The following CCNJ variants were observed in gnomAD, a reference collection of about 807,000 sequenced individuals.
CCNJ encodes cyclin-J.
In CCNJ, 12 loss-of-function variants were observed where a neutral mutation model predicts 41.4. That is an observed-to-expected ratio of 0.29 (90% CI 0.19 to 0.47). CCNJ has a LOEUF of 0.47. Ranked by LOEUF, CCNJ falls within the 20% of genes least tolerant of loss-of-function variation. The probability of loss-of-function intolerance (pLI) is 1.00; values close to 1 mark genes in which losing one functional copy is unlikely to be tolerated. For missense variants in CCNJ, 340 were observed against 464.6 expected (o/e 0.73, Z 2.47); for synonymous variants, 161 against 173.4 (o/e 0.93, Z 0.56).
At chr10:96,047,036 A>T (rs965635606) in intron 2 of CCNJ, among the ~76,000 whole-genome samples, 9 of 151,662 alleles carry the variant, frequency 5.9e-5, no homozygotes, top group Non-Finnish European at 1.2e-4. Context: ...TTTTTCCCCA[A>T]CTCCCTAATC....
intron 3 of CCNJ, among the ~76,000 whole-genome samples, chr10:96,052,534 T>G (rs1423958198): frequency 6.6e-6 from 1 of 152,174 alleles, no homozygotes; most frequent in Admixed American, 6.5e-5. Context: ...CCATCTTAGG[T>G]TGGTTGGAAT....
chr10:96,054,880 T>C (rs185989199), intron 3 of CCNJ, among the ~76,000 whole-genome samples: 194 of 152,334 alleles, frequency 1.3e-3, no homozygotes, highest in African/African-American at 4.5e-3. Flanking sequence ...CATTAATTTC[T>C]ACAGTATTCC....
rs753233234 is a variant in CCNJ, at chr10:96,044,508, AGTT to A, written c.69+50_69+52del. 8.6e-6 allele frequency: 12 copies of A among 1,387,654 alleles called. No homozygotes were observed. The African/African-American group carries it at 8.8e-5, about 10-fold the overall frequency. The allele number at this position is 1,387,654 out of a possible 1,614,324, so 86.0% of individuals were successfully genotyped here. Reference sequence around the variant, plus strand: ...GCCTTCTCCTTCTGTGTGTCGCGCCAGTTGTTCTGAATCTCGGCTCTCTAGAAG... The same window carrying A: ...GCCTTCTCCTTCTGTGTGTCGCGCCAGTTCTGAATCTCGGCTCTCTAGAAG... On this transcript the variant is annotated intron_variant, in intron 2 of 5. Transcript: ENST00000465148.
chr10:96,047,900 A>G (rs1458899951), intron 2 of CCNJ, among the ~76,000 whole-genome samples: 1 of 151,998 alleles, frequency 6.6e-6, no homozygotes, highest in Non-Finnish European at 1.5e-5. Flanking sequence ...TAATCCCAGC[A>G]TCCACTAGCT....
At chr10:96,043,560 G>A (rs935786454), upstream of CCNJ, 1 of 394,720 alleles carries the variant, frequency 2.5e-6, no homozygotes, top group African/African-American at 2.1e-5. Flanking sequence ...GGCTTTGTAT[G>A]CGGAGCCGCC....
chr10:96,044,531 TAGA>T, intron 2 of CCNJ, 69 bp downstream of exon 2: 1 of 1,254,528 alleles, frequency 8.0e-7, no homozygotes, highest in Non-Finnish European at 1.1e-6. Context: ...CTCGGCTCTC[TAGA>T]AGGTCTAGTC....
At chr10:96,053,694 CAG>C (rs1485855734) in intron 3 of CCNJ, among the ~76,000 whole-genome samples, 1 of 152,178 alleles carries the variant, frequency 6.6e-6, no homozygotes, top group Non-Finnish European at 1.5e-5. Context: ...AAAAGTGAGA[CAG>C]AGGCTTTTAG....
intron 5 of CCNJ, 53 bp downstream of exon 5, chr10:96,057,300 G>C: frequency 6.7e-7 from 1 of 1,498,912 alleles, no homozygotes; most frequent in Non-Finnish European, 9.2e-7. Flanking sequence ...TTTTCTTCAT[G>C]TATGAGGTGC....
At chr10:96,051,998 G>C (rs1279935866) in intron 3 of CCNJ, among the ~76,000 whole-genome samples, 4 of 152,116 alleles carry the variant, frequency 2.6e-5, no homozygotes, top group Non-Finnish European at 5.9e-5. Context: ...CATGTACGTT[G>C]AGCAAAATTC....
rs765957957 is a variant in CCNJ, at chr10:96,059,356, TAGTC to T, written c.*1120_*1123del. ...TTTAAGCAACCTTTGAATCCAGCTC[TAGTC>T]AGTCTAAGCAGGCAAAGGTAACTGA... On this transcript the variant is annotated 3_prime_UTR_variant, in exon 6 of 6. Coordinates refer to ENST00000465148, the MANE Select transcript of CCNJ (RefSeq NM_001134375.2). 23 of 152,800 alleles carry T rather than the reference TAGTC, an allele frequency of 1.5e-4. No homozygotes were observed. The highest frequency in any genetic ancestry group is 2.6e-4 in the Admixed American group (4 of 15,304). The allele number at this position is 152,800 out of a possible 1,614,324, so 9.5% of individuals were successfully genotyped here.
chr10:96,056,421 T>C (rs192714454), intron 3 of CCNJ, among the ~76,000 whole-genome samples: 1 of 152,342 alleles, frequency 6.6e-6, no homozygotes, highest in East Asian at 1.9e-4. Context: ...ATTGAGTTAT[T>C]TTTTTCACTG....
Position 96,057,004 on chromosome 10 carries a change from G to A in CCNJ, c.580+4G>A, listed in dbSNP as rs998607793. On this transcript the variant is annotated splice_donor_region_variant and intron_variant, in intron 4 of 5. Coordinates refer to ENST00000465148, the MANE Select transcript of CCNJ (RefSeq NM_001134375.2). ...TTCCTGGAAGTATCTTTGCAAGGTGGGTTGTTGTGAATACCAGTAAGTGAC... is the reference window on the plus strand; with the variant it reads ...TTCCTGGAAGTATCTTTGCAAGGTGAGTTGTTGTGAATACCAGTAAGTGAC... The A allele has an allele frequency of 6.2e-7, 1 of 1,613,080 alleles. No individual in the cohort carries two copies. Among genetic ancestry groups the A allele is most frequent in the Non-Finnish European group, 8.5e-7 (1 of 1,179,362 alleles).
At chr10:96,045,529 T>G (rs1159146120) in intron 2 of CCNJ, among the ~76,000 whole-genome samples, 1 of 152,230 alleles carries the variant, frequency 6.6e-6, no homozygotes, top group Non-Finnish European at 1.5e-5. Context: ...CTTAACTAAT[T>G]CTGACATTCA....
upstream of CCNJ, chr10:96,043,423 G>C (rs1018377803): frequency 4.0e-5 from 15 of 373,922 alleles, no homozygotes; most frequent in Admixed American, 4.1e-4. Flanking sequence ...ACCCAGGCGG[G>C]AGCCGCCGCG....
intron 3 of CCNJ, 111 bp from the exon 4 acceptor site, chr10:96,056,590 C>G: frequency 3.9e-6 from 3 of 766,994 alleles, no homozygotes; most frequent in Non-Finnish European, 6.4e-6. Context: ...GTAAGTACGT[C>G]TTTGGATCTA....
At chr10:96,055,897 C>T (rs1424311057) in intron 3 of CCNJ, among the ~76,000 whole-genome samples, 1 of 152,120 alleles carries the variant, frequency 6.6e-6, no homozygotes, top group Admixed American at 6.5e-5. Context: ...AAATGTTCAC[C>T]CAGTTTTTCC....
At chr10:96,043,901 G>A (rs2080283512) in intron 1 of CCNJ, among the ~76,000 whole-genome samples, 182 bp downstream of exon 1, 1 of 152,204 alleles carries the variant, frequency 6.6e-6, no homozygotes, top group African/African-American at 2.4e-5. Flanking sequence ...ACGTCCATGC[G>A]GAGACCCGCG....
chr10:96,056,003 A>G (rs78111433), intron 3 of CCNJ, among the ~76,000 whole-genome samples: 4,674 of 152,288 alleles, frequency 0.031, 120 homozygotes, highest in African/African-American at 0.064. Context: ...ATGACATTAA[A>G]TTGTTAAAAC....
chr10:96,057,085 C>G lies in CCNJ; in HGVS notation c.581-3C>G. The G allele has an allele frequency of 6.2e-7, 1 of 1,614,050 alleles. No homozygotes were observed. The highest frequency in any genetic ancestry group is 8.5e-7 in the Non-Finnish European group (1 of 1,179,932). On this transcript the variant is annotated splice_polypyrimidine_tract_variant and splice_region_variant and intron_variant, in intron 4 of 5. Transcript: ENST00000465148. ...CTTAAGTTCATTTTTGGTGTCTCCA[C>G]AGATTATGCCTTTCTAAATTATGCA...
Sources: allele counts gnomAD v4.1 joint callset (sites outside exome capture counted in the v4.1 genomes callset), GRCh38; gene constraint gnomAD v4.1.1; transcripts MANE v1.5; gene names NCBI Gene and HGNC (gene_info 2026-07-23, HGNC 2026-07-21).